IFIH1: variants seen among roughly 807,000 people sequenced by gnomAD.
IFIH1 encodes interferon-induced helicase C domain-containing protein 1.
IFIH1 carries 125 observed loss-of-function variants against 107.4 expected under a neutral mutation model. The observed-to-expected ratio is 1.16, with a 90% CI of 1.01 to 1.35. The LOEUF (loss-of-function observed/expected upper bound fraction) is 1.35, where lower values mean the gene tolerates loss of function less well. Among genes scored for constraint, IFIH1 ranks in the 40% most tolerant of loss-of-function variants. The pLI is 0.00. For synonymous variants in IFIH1, 458 were observed against 413.2 expected, an observed-to-expected ratio of 1.11 and a Z score of -1.31; for missense variants, 1,333 against 1,213.7, an observed-to-expected ratio of 1.10 and a Z score of -1.46.
intron 2 of IFIH1, chr2:162,310,011 C>T (rs1318904709): frequency 6.6e-6 from 1 of 152,150 alleles, no homozygotes; most frequent in East Asian, 1.9e-4. Flanking sequence ...TACCATTCAC[C>T]CAAAACTCTT....
At chr2:162,268,582 GTTATTTATTTAT>G (rs539250138) in intron 13 of IFIH1, among the ~76,000 whole-genome samples, 1 of 151,868 alleles carries the variant, frequency 6.6e-6, no homozygotes, top group Admixed American at 6.6e-5. Flanking sequence ...CTACCCATTT[GTTATTTATTTAT>G]TTATTTATTT....
At chr2:162,274,553 G>A (rs894267064) in intron 11 of IFIH1, among the ~76,000 whole-genome samples, 1 of 152,084 alleles carries the variant, frequency 6.6e-6, no homozygotes, top group African/African-American at 2.4e-5. Flanking sequence ...AATTTTGAAT[G>A]AGGTAAATAT....
intron 1 of IFIH1, among the ~76,000 whole-genome samples, chr2:162,314,549 G>A (rs567296690): frequency 1.8e-4 from 26 of 145,778 alleles, no homozygotes; most frequent in Non-Finnish European, 3.0e-4. Flanking sequence ...GTGCAGTGGC[G>A]CCATCTCAGC....
intron 2 of IFIH1, among the ~76,000 whole-genome samples, chr2:162,308,536 C>T (rs919626438): frequency 1.3e-5 from 2 of 151,990 alleles, no homozygotes; most frequent in Non-Finnish European, 2.9e-5. Context: ...ATGCCACCAC[C>T]CCAGCTAATT....
At chr2:162,316,635 A>G (rs1468020306) in intron 1 of IFIH1, among the ~76,000 whole-genome samples, 4 of 152,218 alleles carry the variant, frequency 2.6e-5, no homozygotes, top group Non-Finnish European at 5.9e-5. Flanking sequence ...TATACAAACA[A>G]TGGATGACCC....
intron 5 of IFIH1, among the ~76,000 whole-genome samples, chr2:162,285,464 A>G (rs1464538404): frequency 6.6e-6 from 1 of 152,008 alleles, no homozygotes; most frequent in Non-Finnish European, 1.5e-5. Context: ...TTCTGACTCA[A>G]TCAAAAAGAA....
At chr2:162,314,963 G>A (rs567429638) in intron 1 of IFIH1, among the ~76,000 whole-genome samples, 1 of 152,204 alleles carries the variant, frequency 6.6e-6, no homozygotes, top group Non-Finnish European at 1.5e-5. Flanking sequence ...ATAAGTTTTT[G>A]GGTACTTGCT....
chr2:162,277,277 T>A, intron 10 of IFIH1, 138 bp downstream of exon 10: 2 of 652,974 alleles, frequency 3.1e-6, no homozygotes, highest in East Asian at 5.4e-5. Flanking sequence ...TCTGGTCATA[T>A]CATTAGAAAT....
At position 162,272,264 on chromosome 2, in the gene IFIH1, A is replaced by G; in HGVS notation, c.2578T>C (p.Cys860Arg). The G allele has an allele frequency of 6.2e-7, 1 of 1,612,226 alleles. No individual in the cohort carries two copies. Among genetic ancestry groups the G allele is most frequent in the Non-Finnish European group, 8.5e-7 (1 of 1,178,778 alleles). ...REKMMYKAIH[C>R]VQNMKPEEYA... ...TCCTCTGGTTTCATATTTTGAACAC[A>G]ATGTATAGCTTTATACATCATCTTC... Residue 860 changes from cysteine to arginine, a missense_variant, in exon 13 of 16, where the codon TGT (cysteine) becomes CGT (arginine). Coordinates refer to ENST00000649979, the MANE Select transcript of IFIH1 (RefSeq NM_022168.4).
At chr2:162,308,397 T>TC (rs1683327698) in intron 2 of IFIH1, among the ~76,000 whole-genome samples, 1 of 151,578 alleles carries the variant, frequency 6.6e-6, no homozygotes, top group Admixed American at 6.6e-5. Context: ...TTTTTTTTTT[T>TC]GAGACGGAGT....
intron 5 of IFIH1, among the ~76,000 whole-genome samples, chr2:162,285,252 A>C (rs1354773342): frequency 2.6e-5 from 4 of 152,020 alleles, no homozygotes; most frequent in Non-Finnish European, 4.4e-5. Flanking sequence ...CTAGATAGGA[A>C]ATGGAAAGTC....
rs747069574 is a variant in IFIH1 at position 162,317,804 on chromosome 2, TG to T, written c.453+50del. The stretch of plus-strand genomic sequence containing the variant: ...AAAGGGGCAAACGCACAAGGAAGCC[TG>T]CTTTGCAAAATCTGCCTAAAAGGCT... On this transcript the variant is annotated intron_variant, in intron 1 of 15. Coordinates refer to ENST00000649979, the MANE Select transcript of IFIH1 (RefSeq NM_022168.4). The T allele has an allele frequency of 4.1e-6, 6 of 1,460,442 alleles. No individual in the cohort carries two copies. In the South Asian group the frequency reaches 6.8e-5, roughly 17 times the overall value. The allele number at this position is 1,460,442 out of a possible 1,614,324, so 90.5% of individuals were successfully genotyped here. A position where few individuals can be genotyped will look rare whatever the true frequency, so the allele number is the denominator to read the frequency against.
At chr2:162,306,578 A>AAT (rs1222888480) in intron 3 of IFIH1, 131 bp downstream of exon 3, 1 of 577,496 alleles carries the variant, frequency 1.7e-6, no homozygotes, top group African/African-American at 1.9e-5. Context: ...CTCCTCTAAA[A>AAT]ATATTATTTT....
intron 13 of IFIH1, among the ~76,000 whole-genome samples, chr2:162,270,358 T>C (rs767560405): frequency 3.3e-5 from 5 of 152,230 alleles, no homozygotes; most frequent in Non-Finnish European, 5.9e-5. Flanking sequence ...GATTTCATCT[T>C]ATCTGTCAAT....
intron 3 of IFIH1, among the ~76,000 whole-genome samples, chr2:162,297,530 A>G (rs941308958): frequency 2.0e-5 from 3 of 152,174 alleles, no homozygotes; most frequent in Non-Finnish European, 4.4e-5. Flanking sequence ...TTATTGTGAG[A>G]ATGATTCGGT....
intron 4 of IFIH1, among the ~76,000 whole-genome samples, chr2:162,290,213 A>C (rs1260623647): frequency 3.9e-5 from 6 of 151,904 alleles, no homozygotes; most frequent in Admixed American, 3.9e-4. Flanking sequence ...GAATACTAAT[A>C]AAATGCTCCT....
chr2:162,306,917 T>G, intron 2 of IFIH1, 62 bp from the exon 3 acceptor site: 1 of 1,424,996 alleles, frequency 7.0e-7, no homozygotes. Flanking sequence ...AGAGCATACA[T>G]AACTGTTATT....
intron 13 of IFIH1, among the ~76,000 whole-genome samples, chr2:162,268,525 T>C (rs1227580969): frequency 6.6e-6 from 1 of 152,200 alleles, no homozygotes; most frequent in Admixed American, 6.5e-5. Flanking sequence ...AAAAGTTCTA[T>C]TGTGAGAAAG....
intron 4 of IFIH1, 68 bp downstream of exon 4, chr2:162,293,496 C>A: frequency 1.1e-6 from 1 of 904,432 alleles, no homozygotes; most frequent in African/African-American, 1.7e-5. Context: ...TATGAACAGC[C>A]CCCATGCTTC....
Sources: gnomAD v4.1 joint callset for allele counts (sites outside exome capture counted in the v4.1 genomes callset) on GRCh38, gnomAD v4.1.1 for gene constraint, MANE v1.5 for transcripts, NCBI Gene and HGNC (gene_info 2026-07-23, HGNC 2026-07-21) for gene names.